CHST11: variants seen among roughly 807,000 people sequenced by gnomAD.
CHST11 encodes C4S-1.
Under a neutral mutation model 30.4 loss-of-function variants are expected in CHST11, and 9 were observed. The ratio of observed to expected loss-of-function variants is 0.30; its 90% CI spans 0.18 to 0.52. The LOEUF is 0.52. Ranked by LOEUF, CHST11 falls within the 20% of genes least tolerant of loss-of-function variation. The probability of loss-of-function intolerance (pLI) is 0.97; values close to 1 mark genes in which losing one functional copy is unlikely to be tolerated. For missense variants in CHST11, 348 were observed against 460.6 expected (o/e 0.76, Z 2.24); for synonymous variants, 152 against 187.8 (o/e 0.81, Z 1.56).
intron 2 of CHST11, among the ~76,000 whole-genome samples, chr12:104,679,340 A>G (rs2136100836): frequency 6.6e-6 from 1 of 151,756 alleles, no homozygotes; most frequent in East Asian, 2.0e-4. Flanking sequence ...GCGAAGGGAG[A>G]CCGAGGGCAT....
chr12:104,617,047 T>A (rs1008439246), intron 2 of CHST11, among the ~76,000 whole-genome samples: 1 of 152,110 alleles, frequency 6.6e-6, no homozygotes, highest in African/African-American at 2.4e-5. Context: ...AGTCCCAAGG[T>A]GGGCCAGATG....
At chr12:104,615,615 T>G (rs1459167865) in intron 2 of CHST11, among the ~76,000 whole-genome samples, 1 of 152,170 alleles carries the variant, frequency 6.6e-6, no homozygotes, top group Non-Finnish European at 1.5e-5. Context: ...GTGCCTCACT[T>G]GTCTCACTTG....
At chr12:104,510,581 C>T (rs1047333612) in intron 1 of CHST11, among the ~76,000 whole-genome samples, 1 of 152,172 alleles carries the variant, frequency 6.6e-6, no homozygotes, top group Non-Finnish European at 1.5e-5. Flanking sequence ...GAGTGGGTGA[C>T]TATTAAATTC....
At chr12:104,627,470 T>C (rs2039227065) in intron 2 of CHST11, among the ~76,000 whole-genome samples, 1 of 152,196 alleles carries the variant, frequency 6.6e-6, no homozygotes, top group Non-Finnish European at 1.5e-5. Context: ...TGGACTGGAA[T>C]GTCCTCATCA....
chr12:104,751,942 T>C (rs1225923437), intron 2 of CHST11, among the ~76,000 whole-genome samples: 3 of 152,250 alleles, frequency 2.0e-5, no homozygotes, highest in Non-Finnish European at 4.4e-5. Flanking sequence ...TGTTATCTTC[T>C]CTTTAAACTT....
intron 2 of CHST11, among the ~76,000 whole-genome samples, chr12:104,690,184 C>T (rs368656355): frequency 6.6e-6 from 1 of 152,174 alleles, no homozygotes; most frequent in African/African-American, 2.4e-5. Context: ...TAAAATAACA[C>T]AGTACCTATA....
At chr12:104,643,852 A>C (rs2039401026) in intron 2 of CHST11, among the ~76,000 whole-genome samples, 1 of 152,176 alleles carries the variant, frequency 6.6e-6, no homozygotes, top group Non-Finnish European at 1.5e-5. Flanking sequence ...CAGGGTAAGA[A>C]GGGACCTCTC....
chr12:104,728,232 A>G (rs1331998790), intron 2 of CHST11, among the ~76,000 whole-genome samples: 1 of 152,152 alleles, frequency 6.6e-6, no homozygotes, highest in Admixed American at 6.5e-5. Context: ...TTCAGCAGGA[A>G]CTGATTGGCA....
In CHST11 at chr12:104,488,774, T is replaced by C. The variant is rs200781809; in HGVS notation, c.118+31245T>C. ...GTGTGTGTGTGTGTGTGTGTGTGTC[T>C]ATACACATACCAAGCCTGTTTGGTT... is the stretch of plus-strand genomic sequence containing the variant. On this transcript the variant is annotated intron_variant, in intron 1 of 2. Transcript: ENST00000303694. Among the ~76,000 whole-genome samples the C allele has an allele frequency of 0.011, 1,723 of 151,014 alleles. 57 individuals carry two copies. The East Asian group carries it at 0.14, about 13-fold the overall frequency.
intron 1 of CHST11, among the ~76,000 whole-genome samples, chr12:104,538,086 TTTC>T (rs1473583137): frequency 6.6e-6 from 1 of 152,202 alleles, no homozygotes; most frequent in African/African-American, 2.4e-5. Flanking sequence ...TTACTCAGAT[TTTC>T]TTAGTTGTTA....
chr12:104,501,422 A>AGT (rs2037852959), intron 1 of CHST11, among the ~76,000 whole-genome samples: 1 of 152,228 alleles, frequency 6.6e-6, no homozygotes, highest in East Asian at 1.9e-4. Context: ...GGGAGGCACC[A>AGT]AACCTGAAGG....
At chr12:104,719,330 G>T (rs1188570186) in intron 2 of CHST11, among the ~76,000 whole-genome samples, 1 of 152,212 alleles carries the variant, frequency 6.6e-6, no homozygotes, top group Non-Finnish European at 1.5e-5. Flanking sequence ...GAAATGCCAT[G>T]TTGGCTTACA....
intron 1 of CHST11, chr12:104,591,753 A>G (rs1368584828): frequency 6.5e-6 from 1 of 153,624 alleles, no homozygotes; most frequent in South Asian, 2.1e-4. Flanking sequence ...AGCATGCACC[A>G]TGACCCACGG....
chr12:104,557,610 G>A (rs549651489), intron 1 of CHST11, among the ~76,000 whole-genome samples: 325 of 152,190 alleles, frequency 2.1e-3, no homozygotes, highest in Non-Finnish European at 3.8e-3. Context: ...AGGTGGGCAG[G>A]CCTTGCTCTC....
chr12:104,457,224 G>C lies in CHST11; in HGVS notation c.-188G>C, dbSNP rs998328259. The C allele has an allele frequency of 1.9e-6, 1 of 538,504 alleles. No homozygotes were observed. The highest frequency in any genetic ancestry group is 3.3e-6 in the Non-Finnish European group (1 of 300,394). The allele number at this position is 538,504 out of a possible 1,614,324, so 33.4% of individuals were successfully genotyped here. A position where few individuals can be genotyped will look rare whatever the true frequency, so the allele number is the denominator to read the frequency against. On this transcript the variant is annotated 5_prime_UTR_variant, in exon 1 of 3. Transcript: ENST00000303694. ...TCTCAGCACTTCCAGACCAACTCCG[G>C]CACCTTCCACACCCCTGCCCGGGCT...
At position 104,602,004 on chromosome 12, in the gene CHST11, C is replaced by T; in HGVS notation, c.204+13C>T. 1 of 1,598,704 alleles carries T rather than the reference C, an allele frequency of 6.3e-7. No homozygotes were observed. Reference sequence around the variant, plus strand: ...CAACCCAATCCAGGTAAGCTTCAAGCACTCTGTCAGCATGTGAATTTTTTT... The same window carrying T: ...CAACCCAATCCAGGTAAGCTTCAAGTACTCTGTCAGCATGTGAATTTTTTT... On this transcript the variant is annotated intron_variant, in intron 2 of 2. Coordinates refer to ENST00000303694, the MANE Select transcript of CHST11 (RefSeq NM_018413.6).
At chr12:104,692,737 C>A (rs1260607354) in intron 2 of CHST11, among the ~76,000 whole-genome samples, 1 of 152,166 alleles carries the variant, frequency 6.6e-6, no homozygotes, top group African/African-American at 2.4e-5. Flanking sequence ...AAGATTCTCA[C>A]AGGAGCACAA....
chr12:104,637,302 TAAAAAAAAAAAAAAAAAAAA>T (rs10622882), intron 2 of CHST11, among the ~76,000 whole-genome samples: 1 of 62,594 alleles, frequency 1.6e-5, no homozygotes, highest in Non-Finnish European at 2.7e-5. Context: ...TGAGACCCTG[TAAAAAAAAAAAAAAAAAAAA>T]AAAAAAAAAA....
chr12:104,617,359 T>C (rs2039118550), intron 2 of CHST11, among the ~76,000 whole-genome samples: 1 of 152,186 alleles, frequency 6.6e-6, no homozygotes, highest in African/African-American at 2.4e-5. Context: ...AGGCTCTCCA[T>C]GCCCGCCTCT....
Sources: allele counts gnomAD v4.1 joint callset (sites outside exome capture counted in the v4.1 genomes callset), GRCh38; gene constraint gnomAD v4.1.1; transcripts MANE v1.5; gene names NCBI Gene and HGNC (gene_info 2026-07-23, HGNC 2026-07-21).